Variants in NCSTN observed in about 807,000 individuals in gnomAD.
NCSTN encodes anterior pharynx-defective 2.
NCSTN carries 22 observed loss-of-function variants against 87.0 expected under a neutral mutation model. The ratio of observed to expected loss-of-function variants is 0.25; its 90% CI spans 0.18 to 0.36. NCSTN has a LOEUF of 0.36. Ranked by LOEUF, NCSTN falls within the 10% of genes least tolerant of loss-of-function variation. The probability of loss-of-function intolerance (pLI) is 1.00; values close to 1 mark genes in which losing one functional copy is unlikely to be tolerated. For synonymous variants in NCSTN, 306 were observed against 327.1 expected (o/e 0.94, Z 0.69); for missense variants, 693 against 883.3 (o/e 0.78, Z 2.73).
rs769100552 is a variant in NCSTN, at chr1:160,350,206, A to G, written c.538A>G (p.Ile180Val). The change falls in exon 5 of 17, where the codon ATC becomes GTC. Residue 180 changes from isoleucine (I) to valine (V), a missense_variant. Ile to Val is a conservative substitution (Grantham distance 29). This residue lies in a region of NCSTN where 235 missense variants were observed against 233.9 expected (regional missense o/e 1.00). Coordinates refer to ENST00000294785, the MANE Select transcript of NCSTN (RefSeq NM_015331.3). The stretch of plus-strand genomic sequence containing the variant: ...GGCTTATGAAGACTTTAGTTTCCCC[A>G]TCTTTCTTCTTGAAGATGAAAATGA... ...GLAYEDFSFP[I>V]FLLEDENETK... The G allele has an allele frequency of 5.0e-6, 8 of 1,614,072 alleles. No individual in the cohort carries two copies. The highest frequency in any genetic ancestry group is 1.3e-5 in the African/African-American group (1 of 74,936).
intron 15 of NCSTN, 81 bp from the exon 16 acceptor site, chr1:160,356,960 G>A: frequency 7.0e-7 from 1 of 1,431,096 alleles, no homozygotes; most frequent in Non-Finnish European, 9.8e-7. Context: ...ATTGGTTAGA[G>A]CATGGCACTG....
Position 160,357,403 on chromosome 1 carries a change from C to T in NCSTN, c.2007+150C>T. The T allele has an allele frequency of 6.3e-6, 5 of 787,778 alleles. No individual in the cohort carries two copies. In the South Asian group the frequency reaches 8.0e-5, roughly 13 times the overall value. The allele number at this position is 787,778 out of a possible 1,614,324, so 48.8% of individuals were successfully genotyped here. A position where few individuals can be genotyped will look rare whatever the true frequency, so the allele number is the denominator to read the frequency against. On this transcript the variant is annotated intron_variant, in intron 16 of 16. Transcript: ENST00000294785. ...TGTCCCTGGTCAGCCAGCATGTTCC[C>T]TTAGGAGGCCTTTTTTTTGAGATGG...
chr1:160,345,070 T>C (rs1648393708), intron 2 of NCSTN: 1 of 584,184 alleles, frequency 1.7e-6, no homozygotes, highest in African/African-American at 1.9e-5. Flanking sequence ...ACAAAATAGG[T>C]CTTACTGTTA....
At position 160,351,662 on chromosome 1, in the gene NCSTN, C is replaced by T. The variant is rs368085541; in HGVS notation, c.734-34C>T. On this transcript the variant is annotated intron_variant, in intron 6 of 16. Transcript: ENST00000294785. ...CTTTATAGCTACCTTCTCCTTTAGC[C>T]TTGTTGATCTCTCATTGTTTGTGTC... 15 of 1,521,718 alleles carry T rather than the reference C, an allele frequency of 9.9e-6. No homozygotes were observed. The African/African-American group carries it at 1.4e-4, about 14-fold the overall frequency. The allele number at this position is 1,521,718 out of a possible 1,614,324, so 94.3% of individuals were successfully genotyped here.
intron 1 of NCSTN, chr1:160,343,691 C>T: frequency 1.4e-6 from 1 of 714,692 alleles, no homozygotes; most frequent in Non-Finnish European, 2.6e-6. Flanking sequence ...TGTCGCTTCA[C>T]TCCCTTCTCT....
chr1:160,352,255 TA>T (rs2101903445), intron 8 of NCSTN, 49 bp downstream of exon 8: 1 of 1,610,670 alleles, frequency 6.2e-7, no homozygotes, highest in Non-Finnish European at 8.5e-7. Flanking sequence ...AAGAGGATAG[TA>T]AAGATGAGAG....
rs1648830998 is a variant in NCSTN at position 160,351,387 on chromosome 1, A to G, written c.733+15A>G. ...CATCAACCCAGGTAGGGCAGATCCG[A>G]ACCATGAGGGTAATGGAATAAGGGG... is the stretch of plus-strand genomic sequence containing the variant. On this transcript the variant is annotated intron_variant, in intron 6 of 16. Coordinates refer to ENST00000294785, the MANE Select transcript of NCSTN (RefSeq NM_015331.3). 6.2e-7 allele frequency: 1 copy of G among 1,613,650 alleles called. No individual in the cohort carries two copies. Among genetic ancestry groups the G allele is most frequent in the South Asian group, 1.1e-5 (1 of 91,068 alleles).
chr1:160,343,829 G>T, intron 1 of NCSTN: 2 of 553,806 alleles, frequency 3.6e-6, no homozygotes, highest in Non-Finnish European at 3.5e-6. Flanking sequence ...TCTTCCTCGC[G>T]TTTAGACTTT....
chr1:160,355,980 CCTT>C (rs754291751), intron 13 of NCSTN, 22 bp downstream of exon 13: 2 of 1,584,720 alleles, frequency 1.3e-6, no homozygotes, highest in South Asian at 1.1e-5. Flanking sequence ...GGCCCTAGCT[CCTT>C]CTTTCTATTT....
intron 1 of NCSTN, chr1:160,343,725 C>G (rs1451519482): frequency 5.7e-6 from 4 of 697,050 alleles, no homozygotes; most frequent in Middle Eastern, 2.3e-4. Context: ...GACTTCGAGC[C>G]TGACCCTCTC....
At position 160,351,846 on chromosome 1, in the gene NCSTN, A is replaced by C. The variant is rs201989886; in HGVS notation, c.843+41A>C. The C allele has an allele frequency of 6.8e-4, 1,044 of 1,538,944 alleles. 2 individuals are homozygous for C. Among genetic ancestry groups the C allele is most frequent in the Non-Finnish European group, 8.9e-4 (988 of 1,111,902 alleles). On this transcript the variant is annotated intron_variant, in intron 7 of 16. Transcript: ENST00000294785. ...TGATCAGGATGGGCAGGGCTGGCACAAAAAGAGCTGGTAGGCCCCGCTCTA... is the reference window on the plus strand; with the variant it reads ...TGATCAGGATGGGCAGGGCTGGCACCAAAAGAGCTGGTAGGCCCCGCTCTA...
In NCSTN at chr1:160,355,946, T is replaced by A. The variant is rs776293083; in HGVS notation, c.1539T>A (p.Ala513=). 1.2e-6 allele frequency: 2 copies of A among 1,613,552 alleles called. No homozygotes were observed. Among genetic ancestry groups the A allele is most frequent in the Non-Finnish European group, 1.7e-6 (2 of 1,179,474 alleles). The change falls in exon 13 of 17, where the codon GCT becomes GCA. Residue 513 remains alanine, a synonymous_variant. Coordinates refer to ENST00000294785, the MANE Select transcript of NCSTN (RefSeq NM_015331.3). ...CCAACTTCAGCGACACAGTTCAGGCTGATCCCCAAACGGTAAGCAGATGGG... is the reference window on the plus strand; with the variant it reads ...CCAACTTCAGCGACACAGTTCAGGCAGATCCCCAAACGGTAAGCAGATGGG... ...GGTNFSDTVQ[A]DPQTVTRLLY... is the part of the protein sequence containing the mutation.
chr1:160,356,935 C>A, intron 15 of NCSTN, 106 bp from the exon 16 acceptor site: 2 of 1,377,828 alleles, frequency 1.5e-6, no homozygotes, highest in Non-Finnish European at 2.1e-6. Flanking sequence ...AAAGGGACAG[C>A]AGCCAGTTAG....
intron 1 of NCSTN, 136 bp downstream of exon 1, chr1:160,343,617 T>G: frequency 3.4e-6 from 3 of 879,318 alleles, no homozygotes; most frequent in East Asian, 2.7e-5. Flanking sequence ...TTCTTTTTCG[T>G]TCCCACGACA....
rs3737796 is a variant in NCSTN, at chr1:160,357,460, A to G, written c.2007+207A>G. Among the ~76,000 whole-genome samples the G allele has an allele frequency of 6.7e-4, 102 of 152,322 alleles. 1 individual carries two copies. The East Asian group carries it at 0.019, about 28-fold the overall frequency. On this transcript the variant is annotated intron_variant, in intron 16 of 16. Coordinates refer to ENST00000294785, the MANE Select transcript of NCSTN (RefSeq NM_015331.3). Reference sequence around the variant, plus strand: ...ATTCTTGTTGCTCAAGCTGGAGTGCAATGGCACAATCTCAGCTTACTGCAA... The same window carrying G: ...ATTCTTGTTGCTCAAGCTGGAGTGCGATGGCACAATCTCAGCTTACTGCAA...
chr1:160,344,619 G>T (rs1227914934), intron 1 of NCSTN, 103 bp from the exon 2 acceptor site: 1 of 1,561,260 alleles, frequency 6.4e-7, no homozygotes. Context: ...TAGAAAGTAT[G>T]ATATTAAATG....
chr1:160,344,366 A>C (rs1174362327), intron 1 of NCSTN: 2 of 1,050,650 alleles, frequency 1.9e-6, no homozygotes, highest in Non-Finnish European at 2.7e-6. Context: ...TTAACCAATT[A>C]GTAATATACA....
chr1:160,344,997 T>A, intron 2 of NCSTN, 171 bp downstream of exon 2: 1 of 692,630 alleles, frequency 1.4e-6, no homozygotes, highest in East Asian at 2.7e-5. Context: ...GAACTAACAT[T>A]TAGTAAATGC....
In NCSTN at chr1:160,355,897, C is replaced by T. The variant is rs1226264504; in HGVS notation, c.1490C>T (p.Ala497Val). The T allele has an allele frequency of 1.2e-6, 2 of 1,614,234 alleles. No individual in the cohort carries two copies. The highest frequency in any genetic ancestry group is 1.7e-5 in the Admixed American group (1 of 60,036). Residue 497 changes from alanine (A) to valine (V), a missense_variant, in exon 13 of 17, where the codon GCT becomes GTT. Coordinates refer to ENST00000294785, the MANE Select transcript of NCSTN (RefSeq NM_015331.3). ...GATGTGGCCACGGTGCTGGGACGTG[C>T]TCTGTATGAGCTTGCAGGAGGAACC... ...LADVATVLGR[A>V]LYELAGGTNF...
Sources: gnomAD v4.1 joint callset for allele counts (sites outside exome capture counted in the v4.1 genomes callset) on GRCh38, gnomAD v4.1.1 for gene constraint, gnomAD v4.1.1 regional missense constraint, MANE v1.5 for transcripts, NCBI Gene and HGNC (gene_info 2026-07-23, HGNC 2026-07-21) for gene names.